DPP10: variants seen among roughly 807,000 people sequenced by gnomAD.
DPP10 encodes dipeptidyl peptidase like 10, also known as inactive dipeptidyl peptidase 10.
A neutral mutation model predicts 120.9 loss-of-function variants in DPP10; 33 were observed. That is an observed-to-expected ratio of 0.27 (90% confidence interval 0.21 to 0.37). The LOEUF (loss-of-function observed/expected upper bound fraction) is 0.37. Ranked by LOEUF, DPP10 falls within the 10% of genes least tolerant of loss-of-function variation. DPP10 has a pLI of 1.00. For synonymous variants in DPP10, 337 were observed against 326.1 expected, an observed-to-expected ratio of 1.03 and a Z score of -0.36; for missense variants, 816 against 942.8, an observed-to-expected ratio of 0.87 and a Z score of 1.76.
At chr2:115,016,037 G>A (rs773502400) in intron 1 of DPP10, among the ~76,000 whole-genome samples, 3 of 152,090 alleles carry the variant, frequency 2.0e-5, no homozygotes, top group African/African-American at 4.8e-5. Context: ...AGCCCATATA[G>A]CCAAGACAAT....
intron 1 of DPP10, among the ~76,000 whole-genome samples, chr2:115,166,260 A>G (rs563221248): frequency 1.3e-4 from 20 of 152,128 alleles, no homozygotes; most frequent in Non-Finnish European, 2.5e-4. Flanking sequence ...TGTTTTTAAA[A>G]CACAACCATG....
At chr2:115,537,754 A>G (rs189925446) in intron 5 of DPP10, among the ~76,000 whole-genome samples, 81 of 152,072 alleles carry the variant, frequency 5.3e-4, no homozygotes, top group African/African-American at 1.9e-3. Flanking sequence ...GATTCTGCAG[A>G]TCAGGGTTTC....
intron 3 of DPP10, among the ~76,000 whole-genome samples, chr2:115,347,962 T>C (rs747766349): frequency 6.6e-6 from 1 of 152,156 alleles, no homozygotes; most frequent in Non-Finnish European, 1.5e-5. Flanking sequence ...TGTGTCTTTA[T>C]AGTAAAATGA....
Position 115,338,921 on chromosome 2 carries a change from G to A in DPP10, c.176-4896G>A, listed in dbSNP as rs953754380. On this transcript the variant is annotated intron_variant, in intron 2 of 25. Coordinates refer to ENST00000410059, the MANE Select transcript of DPP10 (RefSeq NM_020868.6). Reference sequence around the variant, plus strand: ...AACATTGTTAGACTTGACAGCAAAAGCACGATTCATAAAAGGAAAAATTGA... The same window carrying A: ...AACATTGTTAGACTTGACAGCAAAAACACGATTCATAAAAGGAAAAATTGA... Among the ~76,000 whole-genome samples, 3 of 152,100 alleles carry A rather than the reference G, an allele frequency of 2.0e-5. No homozygotes were observed. The East Asian group carries it at 5.8e-4, about 29-fold the overall frequency.
intron 9 of DPP10, among the ~76,000 whole-genome samples, chr2:115,744,973 T>TACTTAATGGCATATTAAGTCTAA (rs560032680): frequency 6.6e-6 from 1 of 150,442 alleles, no homozygotes; most frequent in Non-Finnish European, 1.5e-5. Context: ...ACCTTATTGG[T>TACTTAATGGCATATTAAGTCTAA]ACTTAATGGC....
At chr2:114,887,772 C>T (rs957900560) in intron 1 of DPP10, among the ~76,000 whole-genome samples, 2 of 152,160 alleles carry the variant, frequency 1.3e-5, no homozygotes, top group African/African-American at 4.8e-5. Context: ...TGAGTATCAG[C>T]TCATGGGACA....
chr2:115,737,982 A>G (rs1250594764), intron 8 of DPP10, among the ~76,000 whole-genome samples: 1 of 152,164 alleles, frequency 6.6e-6, no homozygotes, highest in Non-Finnish European at 1.5e-5. Context: ...ATTTGTCAGA[A>G]TTTTGATGTT....
At chr2:114,492,449 CAACTA>C (rs1176956905) in intron 1 of DPP10, among the ~76,000 whole-genome samples, 1 of 151,666 alleles carries the variant, frequency 6.6e-6, no homozygotes, top group East Asian at 1.9e-4. Flanking sequence ...CACATATGTG[CAACTA>C]AAAAATAAAT....
intron 13 of DPP10, among the ~76,000 whole-genome samples, chr2:115,769,169 TCACA>T: frequency 6.6e-6 from 1 of 152,192 alleles, no homozygotes; most frequent in South Asian, 2.1e-4. Flanking sequence ...TAATCTAGTC[TCACA>T]CACAGGTTAA....
At chr2:115,003,823 CTTGAT>C (rs1157535698) in intron 1 of DPP10, among the ~76,000 whole-genome samples, 17 of 151,892 alleles carry the variant, frequency 1.1e-4, no homozygotes, top group Admixed American at 7.9e-4. Context: ...AACCTATTGA[CTTGAT>C]TTATTCCAGT....
At chr2:115,440,383 C>T (rs530190378) in intron 3 of DPP10, among the ~76,000 whole-genome samples, 2 of 152,146 alleles carry the variant, frequency 1.3e-5, no homozygotes, top group Non-Finnish European at 2.9e-5. Context: ...ACTGTATTAT[C>T]TTCCTCCCTT....
rs1209458494 is a variant in DPP10 at position 115,727,933 on chromosome 2, G to A, written c.694G>A (p.Glu232Lys). ...TAATGGGATTGCTGACTGGTTATAT[G>A]AAGGTGAGTTGATCAGATTTAGTTT... is the stretch of plus-strand genomic sequence containing the variant. ...IFNGIADWLY[E>K]EELLHSHIAH... Residue 232 changes from glutamate (E) to lysine (K), a missense_variant, in exon 8 of 26, where the codon GAA becomes AAA. Around this residue, in one of 3 missense-constraint regions of DPP10, gnomAD observed 42 missense variants for 86.4 expected, o/e 0.49. Coordinates refer to ENST00000410059, the MANE Select transcript of DPP10 (RefSeq NM_020868.6). The A allele has an allele frequency of 6.3e-7, 1 of 1,598,526 alleles. No individual in the cohort carries two copies.
chr2:115,810,167 A>C (rs1273851740), intron 19 of DPP10, among the ~76,000 whole-genome samples: 1 of 152,128 alleles, frequency 6.6e-6, no homozygotes, highest in East Asian at 1.9e-4. Context: ...ATCTCGAAAA[A>C]AAAAAAAAAG....
Position 115,633,586 on chromosome 2 carries a change from A to T in DPP10, c.442-56101A>T, listed in dbSNP as rs191651909. 1.3e-4 allele frequency among the ~76,000 whole-genome samples: 20 copies of T among 152,234 alleles called. No homozygotes were observed. The East Asian group carries it at 3.7e-3, about 28-fold the overall frequency. ...CCTAGAACTTAAAGTATAAAAAAAA[A>T]GAAAAGAATGTTGAATATTGGCCCT... is the stretch of plus-strand genomic sequence containing the variant. On this transcript the variant is annotated intron_variant, in intron 5 of 25. Transcript: ENST00000410059.
intron 1 of DPP10, among the ~76,000 whole-genome samples, chr2:115,261,962 A>AT (rs1270061610): frequency 5.3e-5 from 8 of 152,208 alleles, no homozygotes; most frequent in Admixed American, 5.2e-4. Context: ...TTGACAAGGG[A>AT]TAAAGAGGAC....
chr2:115,578,682 A>C (rs1173703743), intron 5 of DPP10, among the ~76,000 whole-genome samples: 1 of 152,222 alleles, frequency 6.6e-6, no homozygotes, highest in Admixed American at 6.5e-5. Flanking sequence ...TCATTACAGA[A>C]GCATGTTTTA....
chr2:115,157,035 T>C (rs970035731), intron 1 of DPP10, among the ~76,000 whole-genome samples: 5 of 151,980 alleles, frequency 3.3e-5, no homozygotes, highest in African/African-American at 4.8e-5. Flanking sequence ...GAAACACACA[T>C]CCCTTGTTGG....
chr2:115,764,196 T>C (rs1219210121), intron 12 of DPP10, among the ~76,000 whole-genome samples: 1 of 152,102 alleles, frequency 6.6e-6, no homozygotes, highest in East Asian at 1.9e-4. Flanking sequence ...AAACGCCTAG[T>C]ATAGAATTCA....
intron 1 of DPP10, among the ~76,000 whole-genome samples, chr2:114,915,008 G>T (rs962638586): frequency 6.6e-6 from 1 of 152,282 alleles, no homozygotes; most frequent in East Asian, 1.9e-4. Flanking sequence ...GTGGGCGCCT[G>T]TAGTCCCAGC....
Sources: allele counts gnomAD v4.1 joint callset (sites outside exome capture counted in the v4.1 genomes callset), GRCh38; gene constraint gnomAD v4.1.1; regional missense constraint gnomAD v4.1.1; transcripts MANE v1.5; gene names NCBI Gene and HGNC (gene_info 2026-07-23, HGNC 2026-07-21).